HMGB1: variants seen among roughly 807,000 people sequenced by gnomAD.
HMGB1 encodes high mobility group box 1.
For missense variants in HMGB1, 79 were observed against 253.5 expected (o/e 0.31, Z 4.67); for synonymous variants, 81 against 84.0 (o/e 0.96, Z 0.19).
intron 1 of HMGB1, chr13:30,554,486 A>G: frequency 3.9e-6 from 4 of 1,037,080 alleles, no homozygotes; most frequent in South Asian, 1.3e-5. Context: ...CATGGCTATA[A>G]TAGAAGGAGC....
intron 1 of HMGB1, among the ~76,000 whole-genome samples, chr13:30,585,191 T>C (rs1288090858): frequency 6.6e-6 from 1 of 150,842 alleles, no homozygotes; most frequent in Non-Finnish European, 1.5e-5. Flanking sequence ...CATGCACCTG[T>C]AGTCCCAGCT....
chr13:30,520,232 G>A (rs1888206149), intron 1 of HMGB1, among the ~76,000 whole-genome samples: 1 of 152,146 alleles, frequency 6.6e-6, no homozygotes, highest in Non-Finnish European at 1.5e-5. Flanking sequence ...TGAGGCACGA[G>A]AATCACTTGA....
chr13:30,537,652 C>CATATT (rs1491255988), intron 1 of HMGB1, among the ~76,000 whole-genome samples: 2 of 68,004 alleles, frequency 2.9e-5, no homozygotes, highest in African/African-American at 7.4e-5. Context: ...CATTCTTGTT[C>CATATT]ATATATATAT....
intron 1 of HMGB1, chr13:30,540,889 T>G (rs1868841237): frequency 6.6e-6 from 1 of 152,454 alleles, no homozygotes; most frequent in Non-Finnish European, 1.5e-5. Context: ...TGGCCTAGTC[T>G]TCTTTAAAAA....
chr13:30,463,479 A>T, intron 2 of HMGB1, 52 bp downstream of exon 2: 1 of 1,568,448 alleles, frequency 6.4e-7, no homozygotes, highest in African/African-American at 1.4e-5. Flanking sequence ...TTGCATCCTC[A>T]ATTGGAAACT....
intron 1 of HMGB1, among the ~76,000 whole-genome samples, chr13:30,555,044 T>TTTG (rs1869621039): frequency 1.5e-5 from 2 of 136,694 alleles, no homozygotes; most frequent in African/African-American, 2.7e-5. Flanking sequence ...TTTTTTTTTT[T>TTTG]TTTTTTTTTT....
At chr13:30,607,325 AAGG>A (rs762774902) in intron 1 of HMGB1, among the ~76,000 whole-genome samples, 1 of 152,190 alleles carries the variant, frequency 6.6e-6, no homozygotes, top group Non-Finnish European at 1.5e-5. Flanking sequence ...CCACGTGTCA[AAGG>A]AGAAGCCTGG....
At chr13:30,558,591 A>T (rs1014343162) in intron 1 of HMGB1, among the ~76,000 whole-genome samples, 1 of 152,306 alleles carries the variant, frequency 6.6e-6, no homozygotes, top group Admixed American at 6.5e-5. Flanking sequence ...TTTAGCAATA[A>T]TCCTAGTTGT....
intron 1 of HMGB1, among the ~76,000 whole-genome samples, chr13:30,511,674 C>T (rs959048513): frequency 5.9e-5 from 9 of 152,166 alleles, no homozygotes; most frequent in African/African-American, 1.9e-4. Flanking sequence ...GGGATTTTGG[C>T]ACCATCTTAG....
chr13:30,465,702 ACCCGCCGGCT>A, intron 1 of HMGB1, 84 bp downstream of exon 1: 1 of 601,880 alleles, frequency 1.7e-6, no homozygotes, highest in Non-Finnish European at 2.1e-6. Context: ...GTGGATCCTG[ACCCGCCGGCT>A]CCCGGCCGCG....
intron 1 of HMGB1, among the ~76,000 whole-genome samples, chr13:30,567,852 C>A (rs1237969554): frequency 1.3e-5 from 2 of 152,174 alleles, no homozygotes; most frequent in Non-Finnish European, 2.9e-5. Context: ...TTGCTCTTTA[C>A]CCAAATGTAG....
chr13:30,540,814 C>A (rs1566020002), intron 1 of HMGB1: 1 of 152,008 alleles, frequency 6.6e-6, no homozygotes, highest in African/African-American at 2.4e-5. Context: ...GAACTCCCGA[C>A]CTCAGGTGAT....
At chr13:30,506,745 AC>A (rs1376106973) in intron 1 of HMGB1, among the ~76,000 whole-genome samples, 3 of 152,098 alleles carry the variant, frequency 2.0e-5, no homozygotes, top group Admixed American at 6.5e-5. Flanking sequence ...AGTGCCAGTG[AC>A]ACACATCTTC....
At chr13:30,464,525 C>A (rs1886590853) in intron 1 of HMGB1, 15 of 984,662 alleles carry the variant, frequency 1.5e-5, no homozygotes, top group African/African-American at 1.7e-5. Flanking sequence ...AGAGAGGACG[C>A]GGCCCGGCTC....
chr13:30,482,911 C>T (rs945068714), intron 1 of HMGB1, among the ~76,000 whole-genome samples: 2 of 151,536 alleles, frequency 1.3e-5, no homozygotes, highest in African/African-American at 4.9e-5. Flanking sequence ...CCTCAGCCTC[C>T]TGGGTATCTA....
chr13:30,477,325 C>T (rs1887121432), intron 1 of HMGB1, among the ~76,000 whole-genome samples: 1 of 152,102 alleles, frequency 6.6e-6, no homozygotes, highest in Non-Finnish European at 1.5e-5. Context: ...CCAATCCATC[C>T]ATAGGCCCTG....
At chr13:30,528,113 C>T (rs1402741985) in intron 1 of HMGB1, among the ~76,000 whole-genome samples, 2 of 152,246 alleles carry the variant, frequency 1.3e-5, no homozygotes, top group African/African-American at 4.8e-5. Flanking sequence ...GAGCAGGGAA[C>T]TCGGTGTGCT....
At chr13:30,528,754 C>T (rs1410217154) in intron 1 of HMGB1, among the ~76,000 whole-genome samples, 2 of 151,964 alleles carry the variant, frequency 1.3e-5, no homozygotes, top group Admixed American at 6.6e-5. Flanking sequence ...TGGGGCCGGG[C>T]GCGGTGGCTC....
chr13:30,585,586 G>T (rs894002912), intron 1 of HMGB1, among the ~76,000 whole-genome samples: 9 of 151,894 alleles, frequency 5.9e-5, no homozygotes, highest in Non-Finnish European at 1.2e-4. Flanking sequence ...GCTGAGGGGG[G>T]AGAATCGCTT....
Sources: allele counts gnomAD v4.1 joint callset (sites outside exome capture counted in the v4.1 genomes callset), GRCh38; gene constraint gnomAD v4.1.1; transcripts MANE v1.5; gene names NCBI Gene and HGNC (gene_info 2026-07-23, HGNC 2026-07-21).